The following GRM5 variants were observed in gnomAD, a reference collection of about 807,000 sequenced individuals.
GRM5 encodes the protein glutamate metabotropic receptor 5.
Under a neutral mutation model 83.1 loss-of-function variants are expected in GRM5, and 19 were observed. The observed-to-expected ratio is 0.23, with a 90% CI of 0.16 to 0.34. GRM5 has a LOEUF of 0.34. Among genes scored for constraint, GRM5 ranks in the 10% least tolerant of loss-of-function variants. The probability of loss-of-function intolerance (pLI) is 1.00; values close to 1 mark genes in which losing one functional copy is unlikely to be tolerated. For synonymous variants in GRM5, 675 were observed against 633.6 expected, an observed-to-expected ratio of 1.07 and a Z score of -0.98; for missense variants, 1,160 against 1,588.3, an observed-to-expected ratio of 0.73 and a Z score of 4.58.
chr11:88,617,954 A>C (rs1364389308), intron 4 of GRM5, among the ~76,000 whole-genome samples: 3 of 152,184 alleles, frequency 2.0e-5, no homozygotes, highest in African/African-American at 7.2e-5. Context: ...GTCCTATAGC[A>C]TTGAGTATGA....
At chr11:88,910,920 C>T (rs1446681113) in intron 2 of GRM5, among the ~76,000 whole-genome samples, 1 of 151,984 alleles carries the variant, frequency 6.6e-6, no homozygotes, top group Non-Finnish European at 1.5e-5. Flanking sequence ...TTGCTGGTCT[C>T]TATCCCTTTT....
At chr11:88,658,679 G>T (rs771657744) in intron 3 of GRM5, among the ~76,000 whole-genome samples, 27 of 152,122 alleles carry the variant, frequency 1.8e-4, no homozygotes, top group Non-Finnish European at 2.9e-4. Context: ...GGAGATAAGA[G>T]TTGAACTAAG....
At chr11:88,754,018 G>A (rs1027604225) in intron 3 of GRM5, among the ~76,000 whole-genome samples, 4 of 152,040 alleles carry the variant, frequency 2.6e-5, no homozygotes, top group South Asian at 2.1e-4. Context: ...CCCACAACAC[G>A]TGGGAATTAT....
intron 8 of GRM5, among the ~76,000 whole-genome samples, chr11:88,528,265 T>C (rs988584677): frequency 1.3e-5 from 2 of 152,134 alleles, no homozygotes; most frequent in Non-Finnish European, 2.9e-5. Flanking sequence ...AGTTTTTGTA[T>C]TCAATGCAAG....
At chr11:88,550,254 A>G (rs1942475680) in intron 8 of GRM5, among the ~76,000 whole-genome samples, 2 of 152,188 alleles carry the variant, frequency 1.3e-5, no homozygotes, top group African/African-American at 4.8e-5. Context: ...AAGTACACTT[A>G]ATTCTAAAAA....
chr11:88,992,343 T>C (rs1235230228), intron 2 of GRM5, among the ~76,000 whole-genome samples: 4 of 151,612 alleles, frequency 2.6e-5, no homozygotes, highest in East Asian at 1.9e-4. Flanking sequence ...GTTAGAATGG[T>C]GATCATTAAA....
At chr11:88,699,845 G>T (rs1451496903) in intron 3 of GRM5, among the ~76,000 whole-genome samples, 2 of 152,190 alleles carry the variant, frequency 1.3e-5, no homozygotes, top group Non-Finnish European at 2.9e-5. Flanking sequence ...TGCATGAGAA[G>T]TCTCCTATGA....
At chr11:89,052,331 T>C (rs1046678575) in intron 1 of GRM5, among the ~76,000 whole-genome samples, 1 of 152,130 alleles carries the variant, frequency 6.6e-6, no homozygotes, top group African/African-American at 2.4e-5. Context: ...AAATAAGCTC[T>C]GCTGAGGGGC....
chr11:88,543,205 TTTG>T (rs1591336082), intron 8 of GRM5, among the ~76,000 whole-genome samples: 2 of 152,230 alleles, frequency 1.3e-5, no homozygotes, highest in South Asian at 2.1e-4. Context: ...ACAACAACTA[TTTG>T]TTAACTGCAT....
rs191383572 is a variant in GRM5, at chr11:88,882,822, G to A, written c.662-32667C>T. 1.2e-4 allele frequency among the ~76,000 whole-genome samples: 18 copies of A among 152,126 alleles called. No individual in the cohort carries two copies. In the East Asian group the frequency reaches 1.9e-3, roughly 16 times the overall value. On this transcript the variant is annotated intron_variant, in intron 2 of 9. Coordinates refer to ENST00000305447, the MANE Select transcript of GRM5 (RefSeq NM_001143831.3). ...AAATTGTAGCCCAAATAATTCCCAC[G>A]TGTCATGGGAAGGACCCAGTGGGAG... is the stretch of plus-strand genomic sequence containing the variant.
At chr11:88,895,870 A>G (rs531659848) in intron 2 of GRM5, among the ~76,000 whole-genome samples, 8 of 152,088 alleles carry the variant, frequency 5.3e-5, no homozygotes, top group Admixed American at 4.6e-4. Context: ...GTTAGTCACT[A>G]TGTTATGTGC....
At chr11:89,017,282 A>AAGT in intron 2 of GRM5, among the ~76,000 whole-genome samples, 1 of 152,326 alleles carries the variant, frequency 6.6e-6, no homozygotes, top group Non-Finnish European at 1.5e-5. Context: ...AATAGAAGAT[A>AAGT]AGTAGACTCT....
intron 4 of GRM5, among the ~76,000 whole-genome samples, chr11:88,625,505 C>G (rs887506890): frequency 3.3e-5 from 5 of 151,976 alleles, no homozygotes; most frequent in African/African-American, 1.2e-4. Flanking sequence ...ACAATTTGAC[C>G]TTCATATTTA....
At chr11:88,542,935 G>T (rs576934833) in intron 8 of GRM5, among the ~76,000 whole-genome samples, 1 of 152,274 alleles carries the variant, frequency 6.6e-6, no homozygotes, top group Admixed American at 6.5e-5. Flanking sequence ...AGGTATGGTG[G>T]CACATACCTG....
At chr11:88,610,622 A>G (rs1387655422) in intron 4 of GRM5, among the ~76,000 whole-genome samples, 3 of 152,188 alleles carry the variant, frequency 2.0e-5, no homozygotes, top group Non-Finnish European at 2.9e-5. Flanking sequence ...CTTCTGGTGC[A>G]ATCTATGGGG....
intron 2 of GRM5, among the ~76,000 whole-genome samples, chr11:88,856,563 A>G (rs1160397635): frequency 6.6e-6 from 1 of 152,098 alleles, no homozygotes; most frequent in Non-Finnish European, 1.5e-5. Context: ...AAGTAGAAAA[A>G]GTACACTCTA....
At chr11:88,515,419 C>T (rs1941494353) in intron 9 of GRM5, among the ~76,000 whole-genome samples, 1 of 152,030 alleles carries the variant, frequency 6.6e-6, no homozygotes, top group African/African-American at 2.4e-5. Context: ...ATATAGTTAA[C>T]TATAATTTGT....
At chr11:88,593,776 C>T (rs146627697) in intron 6 of GRM5, among the ~76,000 whole-genome samples, 4 of 93,010 alleles carry the variant, frequency 4.3e-5, no homozygotes, top group Non-Finnish European at 5.9e-5. Context: ...CTCTCTCTCT[C>T]TCTCTCTCTT....
At chr11:88,758,774 C>G (rs913730975) in intron 3 of GRM5, among the ~76,000 whole-genome samples, 1 of 152,000 alleles carries the variant, frequency 6.6e-6, no homozygotes, top group Non-Finnish European at 1.5e-5. Context: ...GAAGATCATC[C>G]CGAAGACACA....
Sources: gnomAD v4.1 joint callset for allele counts (sites outside exome capture counted in the v4.1 genomes callset) on GRCh38, gnomAD v4.1.1 for gene constraint, MANE v1.5 for transcripts, NCBI Gene and HGNC (gene_info 2026-07-23, HGNC 2026-07-21) for gene names.